APOL3: variants seen among roughly 807,000 people sequenced by gnomAD.
APOL3 encodes the protein apolipoprotein L3.
Under a neutral mutation model 11.6 loss-of-function variants are expected in APOL3, and 14 were observed. The ratio of observed to expected loss-of-function variants is 1.21; its 90% confidence interval spans 0.80 to 1.89. The LOEUF is 1.89. APOL3 is among the 40% of genes most tolerant of loss of function. The pLI, the probability that APOL3 is intolerant of heterozygous loss-of-function variation, is 0.00. For synonymous variants in APOL3, 192 were observed against 190.6 expected (o/e 1.01, Z -0.06); for missense variants, 483 against 492.1 (o/e 0.98, Z 0.17).
At chr22:36,148,051 C>T (rs914516825) in intron 1 of APOL3, among the ~76,000 whole-genome samples, 1 of 152,236 alleles carries the variant, frequency 6.6e-6, no homozygotes, top group African/African-American at 2.4e-5. Context: ...AAATAATGTC[C>T]TTATTCCACT....
rs148885226 is a variant in APOL3 at position 36,160,788 on chromosome 22, C to A, written c.104G>T (p.Gly35Val). 1.3e-3 allele frequency: 2,124 copies of A among 1,614,144 alleles called. 20 individuals are homozygous for A. The highest frequency in any genetic ancestry group is 7.9e-3 in the South Asian group (716 of 91,080). The change falls in exon 1 of 3, where the codon GGT (glycine) becomes GTT (valine). Residue 35 changes from glycine (G) to valine (V), a missense_variant. Transcript: ENST00000349314. ...CACGTTCTCCAGGCTCTGAGATATA[C>A]CCTGGAACCCAAAAGGGAAAGTGAA...
intron 1 of APOL3, among the ~76,000 whole-genome samples, chr22:36,147,501 T>TA (rs1250818512): frequency 2.0e-5 from 3 of 152,150 alleles, no homozygotes; most frequent in African/African-American, 7.2e-5. Flanking sequence ...GGTTGGCTGG[T>TA]AGGTCCCGGC....
At chr22:36,146,083 C>A (rs132630) in intron 1 of APOL3, 39,824 of 151,678 alleles carry the variant, frequency 0.26, 7,547 homozygotes, top group East Asian at 0.84. Flanking sequence ...CCTGAGGCAG[C>A]CTCTGTAAGC....
rs2013422244 is a variant in APOL3 at position 36,159,317 on chromosome 22, AAG to A, written c.223+1350_223+1351del. On this transcript the variant is annotated intron_variant, in intron 1 of 2. Transcript: ENST00000349314. The stretch of plus-strand genomic sequence containing the variant: ...GCAGGGTAGGGCATCCTAACCCCCT[AAG>A]GCAGGTGAAAAACCCTGAGGCTCAG... 3.3e-5 allele frequency: 5 copies of A among 151,714 alleles called. No homozygotes were observed. In the South Asian group the frequency reaches 6.2e-4, roughly 19 times the overall value. 9.4% of individuals were successfully genotyped at this position (151,714 alleles called of 1,614,324 possible).
upstream of APOL3, chr22:36,165,756 C>CA (rs2013844458): frequency 6.6e-6 from 1 of 151,930 alleles, no homozygotes; most frequent in Non-Finnish European, 1.5e-5. Flanking sequence ...TACAAGAGAG[C>CA]AAAAAAGAGA....
chr22:36,147,610 A>T (rs1020527897), intron 1 of APOL3, among the ~76,000 whole-genome samples: 2 of 152,202 alleles, frequency 1.3e-5, no homozygotes, highest in Admixed American at 1.3e-4. Flanking sequence ...TTGGTTGCCA[A>T]GGCAACTCAG....
upstream of APOL3, among the ~76,000 whole-genome samples, chr22:36,163,223 G>T (rs1420067114): frequency 1.3e-5 from 2 of 152,168 alleles, no homozygotes; most frequent in Non-Finnish European, 2.9e-5. Context: ...CTTTAGACTG[G>T]GCATTTTGGC....
chr22:36,149,675 A>G (rs2060358061), intron 1 of APOL3: 1 of 362,864 alleles, frequency 2.8e-6, no homozygotes, highest in Non-Finnish European at 5.4e-6. Flanking sequence ...ATGTTTTCAC[A>G]ATAGGGGTAG....
intron 1 of APOL3, chr22:36,159,582 A>C (rs1429869274): frequency 6.6e-6 from 1 of 152,268 alleles, no homozygotes; most frequent in Non-Finnish European, 1.5e-5. Flanking sequence ...ATCATGTGGC[A>C]GACACCATTC....
At chr22:36,154,898 C>T (rs1000438566) in intron 1 of APOL3, among the ~76,000 whole-genome samples, 1 of 152,206 alleles carries the variant, frequency 6.6e-6, no homozygotes, top group Non-Finnish European at 1.5e-5. Context: ...ACTTGCCCCC[C>T]ACTTTCTGCA....
intron 1 of APOL3, among the ~76,000 whole-genome samples, chr22:36,145,864 C>T (rs2060182617): frequency 1.3e-5 from 2 of 152,174 alleles, no homozygotes; most frequent in South Asian, 4.2e-4. Flanking sequence ...CCTAATCCTA[C>T]AGGACTGGTG....
chr22:36,149,539 G>A (rs1332155577), intron 1 of APOL3, among the ~76,000 whole-genome samples: 1 of 152,214 alleles, frequency 6.6e-6, no homozygotes, highest in Non-Finnish European at 1.5e-5. Flanking sequence ...TGTGTACTGG[G>A]TGTCTGTGAT....
intron 1 of APOL3, among the ~76,000 whole-genome samples, chr22:36,154,140 T>C (rs563707548): frequency 6.6e-6 from 1 of 152,336 alleles, no homozygotes; most frequent in Non-Finnish European, 1.5e-5. Context: ...TTGATATTAA[T>C]GCCAGAGAGG....
At chr22:36,141,938 G>T in exon 3 of APOL3, 1 of 1,614,184 alleles carries the variant, frequency 6.2e-7, no homozygotes, top group Admixed American at 1.7e-5. Context: ...TCTTGACTTG[G>T]GGAAACTCTT....
At chr22:36,160,135 G>A (rs954185749) in intron 1 of APOL3, among the ~76,000 whole-genome samples, 8 of 151,986 alleles carry the variant, frequency 5.3e-5, no homozygotes, top group South Asian at 2.1e-4. Flanking sequence ...TACCCGTCTC[G>A]GCCTCTCAAA....
chr22:36,158,904 G>C (rs566265516), intron 1 of APOL3, among the ~76,000 whole-genome samples: 32 of 152,216 alleles, frequency 2.1e-4, no homozygotes, highest in African/African-American at 7.7e-4. Flanking sequence ...TCGAGGCCAC[G>C]ACACAGAGGT....
intron 2 of APOL3, among the ~76,000 whole-genome samples, chr22:36,142,887 C>T (rs2060051844): frequency 6.6e-6 from 1 of 152,216 alleles, no homozygotes; most frequent in Admixed American, 6.5e-5. Context: ...CAGCAAGAAT[C>T]CCCCAAGGCA....
chr22:36,144,981 A>T (rs931049511), intron 2 of APOL3, among the ~76,000 whole-genome samples: 1 of 146,360 alleles, frequency 6.8e-6, no homozygotes, highest in Non-Finnish European at 1.5e-5. Flanking sequence ...ACTGCACTCC[A>T]GCCTGGGGGA....
At chr22:36,147,805 T>C (rs2060274942) in intron 1 of APOL3, among the ~76,000 whole-genome samples, 1 of 152,232 alleles carries the variant, frequency 6.6e-6, no homozygotes, top group Non-Finnish European at 1.5e-5. Context: ...TAAAGCAAAC[T>C]TAAAATGAAC....
Sources: allele counts gnomAD v4.1 joint callset (sites outside exome capture counted in the v4.1 genomes callset), GRCh38; gene constraint gnomAD v4.1.1; transcripts MANE v1.5; gene names NCBI Gene and HGNC (gene_info 2026-07-23, HGNC 2026-07-21).